Variants in INTS13 observed in about 807,000 individuals in gnomAD.
The protein encoded by INTS13 is asunder, spermatogenesis regulator homolog (Drosphila).
Under a neutral mutation model 90.2 loss-of-function variants are expected in INTS13, and 35 were observed. That is an observed-to-expected ratio of 0.39 (90% confidence interval 0.30 to 0.51). The LOEUF (loss-of-function observed/expected upper bound fraction) is 0.51, where lower values mean the gene tolerates loss of function less well. Ranked by LOEUF, INTS13 falls within the 20% of genes least tolerant of loss-of-function variation. The pLI is 0.80. For synonymous variants in INTS13, 309 were observed against 277.1 expected, an observed-to-expected ratio of 1.11 and a Z score of -1.14; for missense variants, 601 against 851.2, an observed-to-expected ratio of 0.71 and a Z score of 3.66.
At chr12:26,921,042 A>G (rs985544718) in intron 8 of INTS13, among the ~76,000 whole-genome samples, 6 of 152,250 alleles carry the variant, frequency 3.9e-5, no homozygotes, top group Non-Finnish European at 7.3e-5. Context: ...GACCTTCAAC[A>G]TCTTAAAATT....
chr12:26,909,477 T>C (rs1160646218), intron 15 of INTS13, among the ~76,000 whole-genome samples: 3 of 149,390 alleles, frequency 2.0e-5, no homozygotes, highest in Non-Finnish European at 3.0e-5. Context: ...ATACTCTTTT[T>C]TTTTTTTTTT....
At chr12:26,935,383 T>C (rs1938405641) in intron 2 of INTS13, among the ~76,000 whole-genome samples, 1 of 152,200 alleles carries the variant, frequency 6.6e-6, no homozygotes, top group Non-Finnish European at 1.5e-5. Flanking sequence ...GACAACACGA[T>C]CTAATCTATG....
intron 16 of INTS13, 63 bp downstream of exon 16, chr12:26,906,239 A>G: frequency 1.4e-6 from 2 of 1,422,358 alleles, no homozygotes; most frequent in Admixed American, 4.9e-5. Flanking sequence ...CAAATAAGCA[A>G]TGATTGTTAA....
intron 15 of INTS13, among the ~76,000 whole-genome samples, chr12:26,906,660 T>A (rs888599179): frequency 6.6e-6 from 1 of 152,194 alleles, no homozygotes; most frequent in African/African-American, 2.4e-5. Context: ...CAGTGACTGA[T>A]GGAAGGACTC....
intron 8 of INTS13, among the ~76,000 whole-genome samples, chr12:26,919,599 G>T (rs1447645673): frequency 6.6e-6 from 1 of 152,162 alleles, no homozygotes; most frequent in South Asian, 2.1e-4. Context: ...TGGAGATTTT[G>T]ATGTACGAGA....
intron 15 of INTS13, among the ~76,000 whole-genome samples, chr12:26,909,964 T>C (rs543736034): frequency 6.6e-6 from 1 of 152,188 alleles, no homozygotes; most frequent in Admixed American, 6.6e-5. Flanking sequence ...GGCATACCAT[T>C]ACACATGTAT....
intron 2 of INTS13, 89 bp from the exon 3 acceptor site, chr12:26,934,719 T>A (rs1938372241): frequency 1.1e-6 from 1 of 929,690 alleles, no homozygotes; most frequent in Non-Finnish European, 1.8e-6. Context: ...TTTGTAACAC[T>A]GTTTCACTGA....
At chr12:26,931,767 G>A (rs146797102) in intron 3 of INTS13, among the ~76,000 whole-genome samples, 72 of 152,122 alleles carry the variant, frequency 4.7e-4, no homozygotes, top group Middle Eastern at 6.8e-3. Context: ...CACTAAAATC[G>A]AAGTAAAAGA....
intron 15 of INTS13, among the ~76,000 whole-genome samples, chr12:26,907,740 GA>G (rs1391218882): frequency 2.0e-5 from 3 of 152,066 alleles, no homozygotes; most frequent in Non-Finnish European, 2.9e-5. Flanking sequence ...CCACTAATAA[GA>G]AACAATCCAA....
chr12:26,926,533 G>A (rs558649075), intron 5 of INTS13, among the ~76,000 whole-genome samples: 8 of 152,212 alleles, frequency 5.3e-5, no homozygotes, highest in South Asian at 4.1e-4. Context: ...CACTATGACC[G>A]CACCTAAGAA....
In INTS13 at chr12:26,905,465, A is replaced by T; in HGVS notation, c.*32T>A. The T allele has an allele frequency of 6.2e-7, 1 of 1,601,352 alleles. No individual in the cohort carries two copies. The highest frequency in any genetic ancestry group is 1.1e-5 in the South Asian group (1 of 88,992). On this transcript the variant is annotated 3_prime_UTR_variant, in exon 17 of 17. Transcript: ENST00000261191. The stretch of plus-strand genomic sequence containing the variant: ...CGAATTCCGCACAAAATATTTTTGC[A>T]ATATGCTAAATTTAGTTCTTCAAGT...
At chr12:26,932,897 TC>T in intron 3 of INTS13, among the ~76,000 whole-genome samples, 1 of 152,212 alleles carries the variant, frequency 6.6e-6, no homozygotes, top group Non-Finnish European at 1.5e-5. Context: ...GATTTTCTAA[TC>T]TGCCATTTAG....
At chr12:26,914,665 T>C in intron 11 of INTS13, 87 bp from the exon 12 acceptor site, 1 of 1,102,524 alleles carries the variant, frequency 9.1e-7, no homozygotes, top group Non-Finnish European at 1.3e-6. Flanking sequence ...CCCTGATGTC[T>C]TCTGTCCTGT....
At chr12:26,907,005 G>A (rs1951631767) in intron 15 of INTS13, among the ~76,000 whole-genome samples, 1 of 152,182 alleles carries the variant, frequency 6.6e-6, no homozygotes, top group Non-Finnish European at 1.5e-5. Context: ...CAGGTGTTCA[G>A]TTCATTATCT....
At chr12:26,936,912 G>C in intron 1 of INTS13, 98 bp from the exon 2 acceptor site, 1 of 773,588 alleles carries the variant, frequency 1.3e-6, no homozygotes, top group South Asian at 1.7e-5. Flanking sequence ...AAGAAGACTT[G>C]GTAGGGAACA....
chr12:26,921,628 C>T (rs1952120939), intron 8 of INTS13, among the ~76,000 whole-genome samples: 1 of 152,172 alleles, frequency 6.6e-6, no homozygotes, highest in African/African-American at 2.4e-5. Flanking sequence ...TCCGTGGTTT[C>T]AGTACCTGTG....
At chr12:26,932,658 C>T (rs896557103) in intron 3 of INTS13, among the ~76,000 whole-genome samples, 20 of 152,184 alleles carry the variant, frequency 1.3e-4, no homozygotes, top group African/African-American at 4.1e-4. Flanking sequence ...CTATGTGAGG[C>T]TTACTGTGCA....
At position 26,906,318 on chromosome 12, in the gene INTS13, G is replaced by A. The variant is rs1951608194; in HGVS notation, c.2065C>T (p.Leu689Phe). Reference protein sequence around the residue: ...VNNRAELYQHLKEENGMETTE... With the variant: ...VNNRAELYQHFKEENGMETTE... ...AACACAAACCCATTTTCCTCTTTAA[G>A]ATGTTGATATAGTTCAGCTCTGTTA... Residue 689 changes from leucine to phenylalanine, a missense_variant, in exon 16 of 17, where the codon CTT (leucine) becomes TTT (phenylalanine). Leu to Phe is a conservative substitution (Grantham distance 22). This residue lies in a region of INTS13 where 228 missense variants were observed against 272.5 expected (regional missense o/e 0.84). Coordinates refer to ENST00000261191, the MANE Select transcript of INTS13 (RefSeq NM_018164.3). 6 of 1,600,482 alleles carry A rather than the reference G, an allele frequency of 3.7e-6. No homozygotes were observed.
chr12:26,920,560 G>A (rs531156028), intron 8 of INTS13, among the ~76,000 whole-genome samples: 11 of 151,984 alleles, frequency 7.2e-5, no homozygotes, highest in East Asian at 3.9e-4. Context: ...CACCATGCCC[G>A]GCTAATTTTT....
Sources: allele counts gnomAD v4.1 joint callset (sites outside exome capture counted in the v4.1 genomes callset), GRCh38; gene constraint gnomAD v4.1.1; regional missense constraint gnomAD v4.1.1; transcripts MANE v1.5; gene names NCBI Gene and HGNC (gene_info 2026-07-23, HGNC 2026-07-21).